PLA2G4A: variants seen among roughly 807,000 people sequenced by gnomAD.
PLA2G4A encodes the protein phospholipase A2 group IVA.
Under a neutral mutation model 81.9 loss-of-function variants are expected in PLA2G4A, and 40 were observed. That is an observed-to-expected ratio of 0.49 (90% CI 0.38 to 0.64). PLA2G4A has a LOEUF of 0.64. Among genes scored for constraint, PLA2G4A ranks in the 30% least tolerant of loss-of-function variants. PLA2G4A has a pLI of 0.00. For missense variants in PLA2G4A, 715 were observed against 905.1 expected (o/e 0.79, Z 2.69); for synonymous variants, 302 against 296.9 (o/e 1.02, Z -0.18).
chr1:186,978,194 G>T (rs985367148), intron 16 of PLA2G4A, among the ~76,000 whole-genome samples: 5 of 152,166 alleles, frequency 3.3e-5, no homozygotes, highest in African/African-American at 1.2e-4. Flanking sequence ...GTACACAATG[G>T]CTAGCAGTTT....
chr1:186,830,512 G>A (rs1416334212), intron 1 of PLA2G4A, among the ~76,000 whole-genome samples: 5 of 148,528 alleles, frequency 3.4e-5, no homozygotes, highest in Non-Finnish European at 5.9e-5. Context: ...GGAGGCTGAG[G>A]CATGAGAATC....
At chr1:186,891,238 T>C (rs1337266190) in intron 3 of PLA2G4A, among the ~76,000 whole-genome samples, 1 of 152,192 alleles carries the variant, frequency 6.6e-6, no homozygotes, top group East Asian at 1.9e-4. Context: ...GTATGCAGTG[T>C]AAAGTAATCA....
At chr1:186,979,508 G>T in intron 17 of PLA2G4A, 36 bp downstream of exon 17, 1 of 1,348,782 alleles carries the variant, frequency 7.4e-7, no homozygotes, top group South Asian at 1.2e-5. Flanking sequence ...TATGTCAAAT[G>T]ACTTCCATAC....
At chr1:186,942,569 G>C (rs1571425533) in intron 10 of PLA2G4A, among the ~76,000 whole-genome samples, 1 of 151,992 alleles carries the variant, frequency 6.6e-6, no homozygotes, top group East Asian at 1.9e-4. Flanking sequence ...AAACTATAAA[G>C]AGGCATACAA....
At chr1:186,877,705 C>CAAAAAAAAAAAA (rs58954006) in intron 3 of PLA2G4A, among the ~76,000 whole-genome samples, 5 of 86,914 alleles carry the variant, frequency 5.8e-5, no homozygotes, top group Non-Finnish European at 8.2e-5. Context: ...GGCTTACTCA[C>CAAAAAAAAAAAA]AAAAAAAAAA....
intron 14 of PLA2G4A, among the ~76,000 whole-genome samples, chr1:186,960,947 T>C (rs957176321): frequency 2.0e-5 from 3 of 152,226 alleles, no homozygotes; most frequent in African/African-American, 7.2e-5. Context: ...TTATTTTGTA[T>C]ATGAGACATC....
In PLA2G4A at chr1:186,988,593, T is replaced by TCATG. The variant is rs924573607; in HGVS notation, c.*85_*86insCATG. ...ACTGGATTTAAAAGTACAGTACAGA[T>TCATG]AGTCGTACTGATCATGAGAGACTGG... On this transcript the variant is annotated 3_prime_UTR_variant, in exon 18 of 18. Coordinates refer to ENST00000367466, the MANE Select transcript of PLA2G4A (RefSeq NM_024420.3). 3.1e-5 allele frequency: 36 copies of TCATG among 1,176,150 alleles called. No individual in the cohort carries two copies. The African/African-American group carries it at 5.4e-4, about 18-fold the overall frequency. The allele number at this position is 1,176,150 out of a possible 1,614,324, so 72.9% of individuals were successfully genotyped here. A position where few individuals can be genotyped will look rare whatever the true frequency, so the allele number is the denominator to read the frequency against.
chr1:186,857,427 T>C (rs1248096678), intron 2 of PLA2G4A, among the ~76,000 whole-genome samples: 1 of 130,586 alleles, frequency 7.7e-6, no homozygotes, highest in Non-Finnish European at 1.6e-5. Flanking sequence ...GTATAATATA[T>C]ACTATATAAA....
chr1:186,900,855 T>C (rs1654512377), intron 5 of PLA2G4A, among the ~76,000 whole-genome samples: 1 of 152,218 alleles, frequency 6.6e-6, no homozygotes, highest in Non-Finnish European at 1.5e-5. Flanking sequence ...GAAGTTGGTG[T>C]TAAAAATAGC....
At chr1:186,917,763 G>T (rs971183112) in intron 7 of PLA2G4A, among the ~76,000 whole-genome samples, 2 of 152,174 alleles carry the variant, frequency 1.3e-5, no homozygotes, top group African/African-American at 4.8e-5. Flanking sequence ...GCAAATACTT[G>T]TTACCTCCAC....
chr1:186,909,164 C>T (rs1558426018), intron 6 of PLA2G4A, among the ~76,000 whole-genome samples: 5 of 149,516 alleles, frequency 3.3e-5, no homozygotes, highest in African/African-American at 9.7e-5. Context: ...TTAGTAGAGA[C>T]GGGGTTTCAC....
intron 3 of PLA2G4A, 92 bp from the exon 4 acceptor site, chr1:186,892,919 T>C: frequency 1.1e-6 from 1 of 893,986 alleles, no homozygotes; most frequent in African/African-American, 1.7e-5. Flanking sequence ...TACAGATTCA[T>C]TGAGAATAAA....
At chr1:186,975,135 G>A (rs192976471) in intron 15 of PLA2G4A, among the ~76,000 whole-genome samples, 6 of 152,288 alleles carry the variant, frequency 3.9e-5, no homozygotes, top group East Asian at 3.9e-4. Flanking sequence ...GAATAATCAC[G>A]AGTGAATAAT....
At chr1:186,894,057 A>C (rs772830819) in intron 4 of PLA2G4A, 41 bp from the exon 5 acceptor site, 2 of 820,102 alleles carry the variant, frequency 2.4e-6, no homozygotes, top group African/African-American at 3.3e-5. Context: ...CCAAAGATCC[A>C]TGGGAAATTT....
intron 8 of PLA2G4A, among the ~76,000 whole-genome samples, chr1:186,936,402 C>G (rs373211568): frequency 6.6e-6 from 1 of 151,998 alleles, no homozygotes; most frequent in African/African-American, 2.4e-5. Context: ...TTACCTAGCA[C>G]AGTGCCTGAC....
intron 3 of PLA2G4A, among the ~76,000 whole-genome samples, chr1:186,875,889 T>C (rs1653478773): frequency 6.6e-6 from 1 of 152,170 alleles, no homozygotes. Context: ...AAAATATGGC[T>C]GTTCTCCCAA....
At chr1:186,935,349 G>A (rs965270227) in intron 8 of PLA2G4A, among the ~76,000 whole-genome samples, 2 of 151,112 alleles carry the variant, frequency 1.3e-5, no homozygotes, top group African/African-American at 4.9e-5. Context: ...TGTTTGGAAA[G>A]GGAAGGAAGG....
intron 6 of PLA2G4A, 41 bp from the exon 7 acceptor site, chr1:186,911,207 T>C (rs1654927686): frequency 6.3e-7 from 1 of 1,596,020 alleles, no homozygotes; most frequent in African/African-American, 1.3e-5. Flanking sequence ...ACCAGACCAC[T>C]GGGAGCACTG....
At chr1:186,879,319 C>A (rs1312121531) in intron 3 of PLA2G4A, among the ~76,000 whole-genome samples, 1 of 151,892 alleles carries the variant, frequency 6.6e-6, no homozygotes, top group African/African-American at 2.4e-5. Context: ...AGAAATATAA[C>A]CCAGTGCGTA....
Sources: allele counts gnomAD v4.1 joint callset (sites outside exome capture counted in the v4.1 genomes callset), GRCh38; gene constraint gnomAD v4.1.1; transcripts MANE v1.5; gene names NCBI Gene and HGNC (gene_info 2026-07-23, HGNC 2026-07-21).